The following CCDC78 variants were observed in gnomAD, a reference collection of about 807,000 sequenced individuals.
The protein encoded by CCDC78 is coiled-coil domain-containing protein 78.
In CCDC78, 78 loss-of-function variants were observed where a neutral mutation model predicts 61.9. The ratio of observed to expected loss-of-function variants is 1.26; its 90% confidence interval spans 1.05 to 1.52. The LOEUF is 1.52. CCDC78 is among the 40% of genes most tolerant of loss of function. The pLI, the probability that CCDC78 is intolerant of heterozygous loss-of-function variation, is 0.00. For synonymous variants in CCDC78, 287 were observed against 251.9 expected (o/e 1.14, Z -1.32); for missense variants, 737 against 615.5 (o/e 1.20, Z -2.09).
Position 722,934 on chromosome 16 carries a change from T to C in CCDC78, c.1289A>G (p.Gln430Arg). The C allele has an allele frequency of 1.2e-6, 2 of 1,612,316 alleles. No individual in the cohort carries two copies. The highest frequency in any genetic ancestry group is 1.7e-6 in the Non-Finnish European group (2 of 1,179,994). ...TCCCTCTGCCCACCTGCCCAGGTGC[T>C]GGTCCACGTACTCCTGTAGCTCAGA... The part of the protein sequence containing the change: ...QLSELQEYVD[Q>R]HLGRYKHEIL... The change falls in exon 13 of 14, where the codon CAG (glutamine) becomes CGG (arginine). Residue 430 changes from glutamine (Q) to arginine (R), a missense_variant. Gln to Arg is a conservative substitution (Grantham distance 43, BLOSUM62 1). Transcript: ENST00000345165.
chr16:725,264 C>G lies in CCDC78; in HGVS notation c.465G>C (p.Glu155Asp), dbSNP rs567760337. Residue 155 changes from glutamate (E) to aspartate (D), a missense_variant, in exon 5 of 14, where the codon GAG becomes GAC. By Grantham distance (45) the Glu-to-Asp change is conservative. Coordinates refer to ENST00000345165, the MANE Select transcript of CCDC78 (RefSeq NM_001378030.1). ...QVQPKNTMNPENEQHRLGSGL... is the reference protein window; with the variant it reads ...QVQPKNTMNPDNEQHRLGSGL... Reference sequence around the variant, plus strand: ...CGCTCCCCAGCCTGTGCTGCTCATTCTCGGGGTTCATGGTGTTCTTGGGCT... The same window carrying G: ...CGCTCCCCAGCCTGTGCTGCTCATTGTCGGGGTTCATGGTGTTCTTGGGCT... 2.5e-6 allele frequency: 4 copies of G among 1,607,484 alleles called. No homozygotes were observed. The highest frequency in any genetic ancestry group is 2.7e-5 in the African/African-American group (2 of 75,056).
In CCDC78 at chr16:726,307, C is replaced by G; in HGVS notation, c.60+1G>C. On this transcript the variant is annotated splice_donor_variant, in intron 1 of 13. Transcript: ENST00000345165. LOFTEE classifies it high-confidence loss of function. ...GGAGCGGCAAGTCCCAGAGGACTCACATTCTCCACCCGCCGAGAGGGAGGT... is the reference window on the plus strand; with the variant it reads ...GGAGCGGCAAGTCCCAGAGGACTCAGATTCTCCACCCGCCGAGAGGGAGGT... 6.5e-7 allele frequency: 1 copy of G among 1,548,370 alleles called. No individual in the cohort carries two copies. The highest frequency in any genetic ancestry group is 8.7e-7 in the Non-Finnish European group (1 of 1,146,686).
At chr16:722,835 G>GGGCAA in intron 13 of CCDC78, 46 bp from the exon 14 acceptor site, 2 of 1,608,828 alleles carry the variant, frequency 1.2e-6, no homozygotes, top group Non-Finnish European at 1.7e-6. Context: ...GCTGTGGACA[G>GGGCAA]GTCTGCTTTT....
intron 11 of CCDC78, 164 bp from the exon 12 acceptor site, chr16:723,325 C>A (rs1306954057): frequency 1.2e-6 from 1 of 805,030 alleles, no homozygotes; most frequent in South Asian, 1.5e-5. Flanking sequence ...CCCCCCCAGG[C>A]CTTGGAGCCA....
Position 724,335 on chromosome 16 carries a change from G to C in CCDC78, c.940C>G (p.Leu314Val). The change falls in exon 9 of 14, where the codon CTG becomes GTG. Residue 314 changes from leucine (L) to valine (V), a missense_variant. By Grantham distance (32) the Leu-to-Val change is conservative. Transcript: ENST00000345165. ...VDLSRRHEEL[L>V]VAYRAPGNPQ... ...AGCGGGGCCCACCTGTAGGCAACCA[G>C]TAGCTCTTCATGCCTGCGGCTCAGA... 11 of 1,611,808 alleles carry C rather than the reference G, an allele frequency of 6.8e-6. No homozygotes were observed. Among genetic ancestry groups the C allele is most frequent in the Non-Finnish European group, 9.3e-6 (11 of 1,179,390 alleles).
chr16:725,608 CA>C (rs1477445404), intron 3 of CCDC78, 28 bp from the exon 4 acceptor site: 5 of 1,596,498 alleles, frequency 3.1e-6, no homozygotes, highest in Non-Finnish European at 4.3e-6. Context: ...TGAGCAGGTG[CA>C]CCTGCCCGCG....
rs148276717 is a variant in CCDC78 at position 722,985 on chromosome 16, C to T, written c.1238G>A (p.Arg413Gln). 3.0e-4 allele frequency: 480 copies of T among 1,612,442 alleles called. 1 individual carries two copies. In the African/African-American group the frequency reaches 5.5e-3, roughly 19 times the overall value. Residue 413 changes from arginine to glutamine, a missense_variant, in exon 13 of 14, where the codon CGG becomes CAG. Arg to Gln is a conservative substitution (Grantham distance 43). Coordinates refer to ENST00000345165, the MANE Select transcript of CCDC78 (RefSeq NM_001378030.1). Reference sequence around the variant, plus strand: ...AAGTTGCTCTTCAGCCATCGTGGCCCGGACCAGCAGCTGTGCCCGCTCCCG... The same window carrying T: ...AAGTTGCTCTTCAGCCATCGTGGCCTGGACCAGCAGCTGTGCCCGCTCCCG... ...LERERAQLLV[R>Q]ATMAEEQLSE...
At chr16:725,666 G>A (rs571689552) in intron 3 of CCDC78, 86 bp from the exon 4 acceptor site, 23 of 1,578,596 alleles carry the variant, frequency 1.5e-5, no homozygotes, top group East Asian at 9.1e-5. Flanking sequence ...GCTCAGGGGC[G>A]CGCAGCACTC....
Position 723,933 on chromosome 16 carries a change from C to T in CCDC78, c.1057G>A (p.Gly353Ser), listed in dbSNP as rs754906673. The change falls in exon 11 of 14, where the codon GGC becomes AGC. Residue 353 changes from glycine (G) to serine (S), a missense_variant. Coordinates refer to ENST00000345165, the MANE Select transcript of CCDC78 (RefSeq NM_001378030.1). The part of the protein sequence containing the change: ...TDFSHREDQH[G>S]GPGALLSSPK... ...GATGAGAGCAGTGCCCCAGGCCCGC[C>T]GTGCTACAGAGGTTTGTGGTGGGGA... The T allele has an allele frequency of 2.4e-5, 39 of 1,602,186 alleles. No individual in the cohort carries two copies. Among genetic ancestry groups the T allele is most frequent in the South Asian group, 2.2e-4 (20 of 89,568 alleles).
In CCDC78 at chr16:725,109, C is replaced by G; in HGVS notation, c.529G>C (p.Glu177Gln). The stretch of plus-strand genomic sequence containing the variant: ...GTCACCAGTGCCTGCTGCCGGGCCT[C>G]CTGATGCTCCAGCGCCCACTTCACT... ...GEVKWALEHQ[E>Q]ARQQALVTRV... Residue 177 changes from glutamate (E) to glutamine (Q), a missense_variant, in exon 6 of 14, where the codon GAG becomes CAG. Transcript: ENST00000345165. 6.2e-7 allele frequency: 1 copy of G among 1,612,790 alleles called. No homozygotes were observed.
chr16:724,459 T>C lies in CCDC78; in HGVS notation c.816A>G (p.Thr272=), dbSNP rs1317802352. The change falls in exon 9 of 14, where the codon ACA becomes ACG. Residue 272 remains threonine (T), a synonymous_variant. Transcript: ENST00000345165. The part of the protein sequence containing the change: ...GQAPATTALR[T]FLEATLEDIR... ...TGTCCTCCAGAGTCGCCTCCAGGAA[T>C]GTCCGGAGGGCCGTGGTGGCTGGCG... 1.2e-6 allele frequency: 2 copies of C among 1,603,114 alleles called. No homozygotes were observed. The highest frequency in any genetic ancestry group is 1.7e-6 in the Non-Finnish European group (2 of 1,179,746).
chr16:725,014 G>T, intron 6 of CCDC78, 25 bp from the exon 7 acceptor site: 2 of 1,612,400 alleles, frequency 1.2e-6, no homozygotes, highest in Non-Finnish European at 1.7e-6. Context: ...GTGAGGCTCA[G>T]CAGGCCCACG....
At chr16:723,269 GGAGT>G in intron 11 of CCDC78, 108 bp from the exon 12 acceptor site, 2 of 1,225,514 alleles carry the variant, frequency 1.6e-6, no homozygotes, top group Non-Finnish European at 2.3e-6. Flanking sequence ...GGGACACCTG[GGAGT>G]GAGTGAGGGA....
At position 724,950 on chromosome 16, in the gene CCDC78, C is replaced by G; in HGVS notation, c.600G>C (p.Glu200Asp). 6.2e-7 allele frequency: 1 copy of G among 1,610,996 alleles called. No individual in the cohort carries two copies. The highest frequency in any genetic ancestry group is 8.5e-7 in the Non-Finnish European group (1 of 1,179,184). Residue 200 changes from glutamate to aspartate, a missense_variant, in exon 7 of 14, where the codon GAG becomes GAC. Coordinates refer to ENST00000345165, the MANE Select transcript of CCDC78 (RefSeq NM_001378030.1). Reference sequence around the variant, plus strand: ...CCAGTCGCTGCCCGGCTGCCCTGGCCTCCTCTCGGGCTCCCTGCAGCTGCC... The same window carrying G: ...CCAGTCGCTGCCCGGCTGCCCTGGCGTCCTCTCGGGCTCCCTGCAGCTGCC... Reference protein sequence around the residue: ...LGRQLQGAREEARAAGQRLAT... With the variant: ...LGRQLQGAREDARAAGQRLAT...
Position 722,640 on chromosome 16 carries a change from T to C in CCDC78, c.*38A>G, listed in dbSNP as rs753189763. On this transcript the variant is annotated 3_prime_UTR_variant, in exon 14 of 14. Coordinates refer to ENST00000345165, the MANE Select transcript of CCDC78 (RefSeq NM_001378030.1). Reference sequence around the variant, plus strand: ...CTGGGTGGGAGGGTTCTGTGCTGGCTGAGGAGCTCTGCTCTGCTCTGCTCC... The same window carrying C: ...CTGGGTGGGAGGGTTCTGTGCTGGCCGAGGAGCTCTGCTCTGCTCTGCTCC... 1 of 1,593,888 alleles carries C rather than the reference T, an allele frequency of 6.3e-7. No individual in the cohort carries two copies. Among genetic ancestry groups the C allele is most frequent in the Admixed American group, 1.7e-5 (1 of 59,830 alleles).
intron 11 of CCDC78, chr16:723,579 C>G (rs1403873364): frequency 1.5e-6 from 1 of 685,084 alleles, no homozygotes; most frequent in East Asian, 2.8e-5. Flanking sequence ...TCGCGTCCTC[C>G]AGGTCTCAGC....
chr16:725,703 C>T, intron 3 of CCDC78, 91 bp downstream of exon 3: 1 of 1,570,102 alleles, frequency 6.4e-7, no homozygotes, highest in Non-Finnish European at 8.6e-7. Flanking sequence ...CCACAGATGC[C>T]ATGTGCGTGT....
intron 3 of CCDC78, 80 bp downstream of exon 3, chr16:725,714 G>C (rs2040841656): frequency 1.3e-6 from 2 of 1,571,692 alleles, no homozygotes; most frequent in African/African-American, 2.7e-5. Context: ...ATGTGCGTGT[G>C]CATGCCCATG....
At position 724,690 on chromosome 16, in the gene CCDC78, C is replaced by A. The variant is rs751250054; in HGVS notation, c.756G>T (p.Trp252Cys). Reference sequence around the variant, plus strand: ...CTCCTGCAGGGCTCACCACTGCCTGCCAGGCGCAGTGTTGCAGCCGTAGGA... The same window carrying A: ...CTCCTGCAGGGCTCACCACTGCCTGACAGGCGCAGTGTTGCAGCCGTAGGA... The part of the protein sequence containing the change: ...EYVLRLQHCA[W>C]QAVEHADGAG... Residue 252 changes from tryptophan to cysteine, a missense_variant, in exon 8 of 14, where the codon TGG becomes TGT. Trp to Cys is a radical substitution (Grantham distance 215, BLOSUM62 -2). Transcript: ENST00000345165. 1 of 1,610,580 alleles carries A rather than the reference C, an allele frequency of 6.2e-7. No individual in the cohort carries two copies. Among genetic ancestry groups the A allele is most frequent in the South Asian group, 1.1e-5 (1 of 90,856 alleles).
Sources: gnomAD v4.1 joint callset for allele counts on GRCh38, gnomAD v4.1.1 for gene constraint, MANE v1.5 for transcripts, NCBI Gene and HGNC (gene_info 2026-07-23, HGNC 2026-07-21) for gene names.